Variants in YAP1 observed in about 807,000 individuals in gnomAD.
YAP1 encodes transcriptional coactivator YAP1.
In YAP1, 5 loss-of-function variants were observed where a neutral mutation model predicts 56.9. That is an observed-to-expected ratio of 0.09 (90% CI 0.05 to 0.18). The LOEUF (loss-of-function observed/expected upper bound fraction) is 0.18, where lower values mean the gene tolerates loss of function less well. Among genes scored for constraint, YAP1 ranks in the 10% least tolerant of loss-of-function variants. YAP1 has a pLI of 1.00. For synonymous variants in YAP1, 265 were observed against 248.1 expected (o/e 1.07, Z -0.64); for missense variants, 539 against 651.8 (o/e 0.83, Z 1.88).
At chr11:102,209,852 A>G (rs1311267226) in intron 6 of YAP1, among the ~76,000 whole-genome samples, 6 of 152,200 alleles carry the variant, frequency 3.9e-5, no homozygotes, top group African/African-American at 1.4e-4. Context: ...ACATCCTATC[A>G]GCTAGGTATG....
intron 2 of YAP1, among the ~76,000 whole-genome samples, chr11:102,142,596 A>G (rs1208010251): frequency 6.6e-6 from 1 of 152,216 alleles, no homozygotes; most frequent in East Asian, 1.9e-4. Flanking sequence ...CATAGCTTTG[A>G]GAATCTATTC....
chr11:102,186,273 A>C, intron 4 of YAP1, 142 bp downstream of exon 4: 1 of 922,572 alleles, frequency 1.1e-6, no homozygotes, highest in Admixed American at 3.0e-5. Context: ...GTTTACCAGT[A>C]GTGTTTTTAT....
In YAP1 at chr11:102,225,298, C is replaced by T. The variant is rs567008061; in HGVS notation, c.1163+1546C>T. Among the ~76,000 whole-genome samples, 3 of 152,154 alleles carry T rather than the reference C, an allele frequency of 2.0e-5. No individual in the cohort carries two copies. In the East Asian group the frequency reaches 5.8e-4, roughly 29 times the overall value. Reference sequence around the variant, plus strand: ...GGTAAGAGTTCGAGACCAGCCTGACCAACATGGCGAAACCCCATCTTTACT... The same window carrying T: ...GGTAAGAGTTCGAGACCAGCCTGACTAACATGGCGAAACCCCATCTTTACT... On this transcript the variant is annotated intron_variant, in intron 7 of 8. Transcript: ENST00000282441.
rs1318813679 is a variant in YAP1, at chr11:102,227,505, T to C, written c.1200T>C (p.Ser400=). The C allele has an allele frequency of 1.9e-6, 3 of 1,613,870 alleles. No homozygotes were observed. The highest frequency in any genetic ancestry group is 1.3e-5 in the African/African-American group (1 of 74,938). The change falls in exon 8 of 9, where the codon AGT becomes AGC. Residue 400 remains serine (S), a synonymous_variant. Transcript: ENST00000282441. The part of the protein sequence containing the change: ...TYHSRDESTD[S]GLSMSSYSVP... ...ACTCTCGAGATGAGAGTACAGACAGTGGACTAAGCATGAGCAGCTACAGTG... is the reference window on the plus strand; with the variant it reads ...ACTCTCGAGATGAGAGTACAGACAGCGGACTAAGCATGAGCAGCTACAGTG...
chr11:102,118,198 TTTTAAA>T (rs1943411318), intron 2 of YAP1, among the ~76,000 whole-genome samples: 3 of 152,234 alleles, frequency 2.0e-5, no homozygotes, highest in Non-Finnish European at 4.4e-5. Flanking sequence ...TTCTAATAAT[TTTTAAA>T]GCACAGTTTT....
At chr11:102,229,398 C>G (rs144847658) in intron 8 of YAP1, among the ~76,000 whole-genome samples, 167 of 152,254 alleles carry the variant, frequency 1.1e-3, no homozygotes, top group African/African-American at 3.9e-3. Flanking sequence ...TGTACTTGTT[C>G]TTTCTCCCGC....
chr11:102,206,847 CAA>C (rs1949147673), intron 5 of YAP1, among the ~76,000 whole-genome samples: 4 of 152,046 alleles, frequency 2.6e-5, no homozygotes, highest in African/African-American at 9.7e-5. Context: ...GTCTCAAAAA[CAA>C]AAAGTTATCT....
chr11:102,111,180 T>G lies in YAP1; in HGVS notation c.321+11T>G. On this transcript the variant is annotated intron_variant, in intron 1 of 8. Transcript: ENST00000282441. Reference sequence around the variant, plus strand: ...TCCCACTCCCGACAGGTAACCTCGTTGCCCCTCTCCCCGTTTCCCCGTCGG... The same window carrying G: ...TCCCACTCCCGACAGGTAACCTCGTGGCCCCTCTCCCCGTTTCCCCGTCGG... 1 of 1,610,216 alleles carries G rather than the reference T, an allele frequency of 6.2e-7. No homozygotes were observed. Among genetic ancestry groups the G allele is most frequent in the Non-Finnish European group, 8.5e-7 (1 of 1,178,066 alleles).
chr11:102,192,998 A>G (rs1257239089), intron 4 of YAP1, among the ~76,000 whole-genome samples: 1 of 152,184 alleles, frequency 6.6e-6, no homozygotes, highest in Non-Finnish European at 1.5e-5. Context: ...AGCATATGGG[A>G]GTTTAAACAT....
At chr11:102,224,122 T>G (rs1950081189) in intron 7 of YAP1, among the ~76,000 whole-genome samples, 1 of 152,236 alleles carries the variant, frequency 6.6e-6, no homozygotes, top group South Asian at 2.1e-4. Context: ...TAAGGATCAC[T>G]GGAAGGAATT....
intron 2 of YAP1, among the ~76,000 whole-genome samples, chr11:102,149,977 CTTTTTTTTTTT>C (rs386374692): frequency 4.0e-4 from 20 of 50,338 alleles, no homozygotes; most frequent in Admixed American, 1.6e-3. Flanking sequence ...GAGTAGTGTG[CTTTTTTTTTTT>C]TTTTTTTTTT....
At chr11:102,169,144 C>G (rs1946761344) in intron 3 of YAP1, among the ~76,000 whole-genome samples, 1 of 152,244 alleles carries the variant, frequency 6.6e-6, no homozygotes, top group Admixed American at 6.5e-5. Context: ...GTATTCTTCA[C>G]TTAGAAAAAT....
At chr11:102,138,991 C>T (rs1944843830) in intron 2 of YAP1, among the ~76,000 whole-genome samples, 1 of 151,996 alleles carries the variant, frequency 6.6e-6, no homozygotes, top group African/African-American at 2.4e-5. Flanking sequence ...TTAACACATT[C>T]TCAGACATTT....
chr11:102,128,891 T>A (rs1271397957), intron 2 of YAP1, among the ~76,000 whole-genome samples: 1 of 152,154 alleles, frequency 6.6e-6, no homozygotes, highest in Middle Eastern at 3.2e-3. Context: ...AAAACAGCCT[T>A]ATATAATTAT....
chr11:102,190,676 G>A (rs1269062597), intron 4 of YAP1, among the ~76,000 whole-genome samples: 2 of 151,968 alleles, frequency 1.3e-5, no homozygotes, highest in African/African-American at 4.8e-5. Flanking sequence ...AGTGGCTCAC[G>A]CCTGTAATCC....
At chr11:102,222,993 C>G (rs1479765700) in intron 6 of YAP1, among the ~76,000 whole-genome samples, 1 of 151,606 alleles carries the variant, frequency 6.6e-6, no homozygotes, top group East Asian at 1.9e-4. Context: ...GTCTGTAATC[C>G]CAGCACTTTT....
At chr11:102,124,350 G>A (rs10895260) in intron 2 of YAP1, among the ~76,000 whole-genome samples, 6,248 of 152,228 alleles carry the variant, frequency 0.041, 199 homozygotes, top group Admixed American at 0.12. Context: ...GAAATTTCAT[G>A]ATGTCTGTTG....
At chr11:102,172,081 T>C (rs1444994228) in intron 3 of YAP1, among the ~76,000 whole-genome samples, 21 of 151,874 alleles carry the variant, frequency 1.4e-4, no homozygotes, top group African/African-American at 5.1e-4. Flanking sequence ...TAATCCCAGC[T>C]GCTTGGGAGG....
chr11:102,152,456 G>T (rs1295967623), intron 2 of YAP1, among the ~76,000 whole-genome samples: 4 of 152,176 alleles, frequency 2.6e-5, no homozygotes, highest in African/African-American at 9.7e-5. Context: ...AGGTAAGTCT[G>T]GGTTTTGTCT....
Sources: gnomAD v4.1 joint callset for allele counts (sites outside exome capture counted in the v4.1 genomes callset) on GRCh38, gnomAD v4.1.1 for gene constraint, MANE v1.5 for transcripts, NCBI Gene and HGNC (gene_info 2026-07-23, HGNC 2026-07-21) for gene names.